CD40: variants seen among roughly 807,000 people sequenced by gnomAD.
CD40 encodes tumor necrosis factor receptor superfamily member 5.
A neutral mutation model predicts 38.5 loss-of-function variants in CD40; 19 were observed. The ratio of observed to expected loss-of-function variants is 0.49; its 90% confidence interval spans 0.34 to 0.72. CD40 has a LOEUF of 0.72. CD40 is among the 30% of genes least tolerant of loss of function. The probability of loss-of-function intolerance (pLI) is 0.01; values close to 1 mark genes in which losing one functional copy is unlikely to be tolerated. For synonymous variants in CD40, 130 were observed against 128.7 expected, an observed-to-expected ratio of 1.01 and a Z score of -0.07; for missense variants, 256 against 344.1, an observed-to-expected ratio of 0.74 and a Z score of 2.03.
At position 46,129,074 on chromosome 20, in the gene CD40, C is replaced by A; in HGVS notation, c.*34C>A. 1 of 1,612,140 alleles carries A rather than the reference C, an allele frequency of 6.2e-7. No individual in the cohort carries two copies. Among genetic ancestry groups the A allele is most frequent in the Non-Finnish European group, 8.5e-7 (1 of 1,178,772 alleles). ...CCACCCAGGAGTGTGGCCACGTGGGCAAACAGGCAGTTGGCCAGAGAGCCT... is the reference window on the plus strand; with the variant it reads ...CCACCCAGGAGTGTGGCCACGTGGGAAAACAGGCAGTTGGCCAGAGAGCCT... On this transcript the variant is annotated 3_prime_UTR_variant, in exon 9 of 9. Transcript: ENST00000372285.
intron 1 of CD40, among the ~76,000 whole-genome samples, chr20:46,121,258 A>G (rs1227981440): frequency 6.6e-6 from 1 of 152,186 alleles, no homozygotes; most frequent in Non-Finnish European, 1.5e-5. Flanking sequence ...AGTCTCAACT[A>G]TCTGTAAAAT....
Position 46,124,634 on chromosome 20 carries a change from CT to C in CD40, c.497+1425del, listed in dbSNP as rs369596117. On this transcript the variant is annotated intron_variant, in intron 5 of 8. Transcript: ENST00000372285. ...AATTCCTTAAATGTAGAAACTTGGC[CT>C]TTTTTTTTTCTTCCATTGATACATC... 4.4e-3 allele frequency among the ~76,000 whole-genome samples: 657 copies of C among 148,404 alleles called. 3 individuals are homozygous for C. The highest frequency in any genetic ancestry group is 0.015 in the African/African-American group (617 of 40,504).
rs749590513 is a variant in CD40 at position 46,128,304 on chromosome 20, CTTTTTTTTTTTT to C, written c.647-14_647-3del. On this transcript the variant is annotated splice_polypyrimidine_tract_variant and intron_variant, in intron 7 of 8. Transcript: ENST00000372285. ...TATCTGGCCTCTCCAACTCCCCATC[CTTTTTTTTTTTT>C]TTTTTTTTTTTAGAAAAGGTGGCCA... 1.5e-5 allele frequency: 21 copies of C among 1,440,244 alleles called. No homozygotes were observed. Among genetic ancestry groups the C allele is most frequent in the South Asian group, 2.6e-5 (2 of 78,392 alleles). 89.2% of individuals were successfully genotyped at this position (1,440,244 alleles called of 1,614,324 possible).
At chr20:46,127,746 C>T (rs1411515114) in intron 6 of CD40, among the ~76,000 whole-genome samples, 2 of 152,142 alleles carry the variant, frequency 1.3e-5, no homozygotes, top group African/African-American at 4.8e-5. Context: ...CATGCTAGAC[C>T]TCGGCATTGG....
At position 46,124,751 on chromosome 20, in the gene CD40, G is replaced by GTTTTTTTTTTTTTTT. The variant is rs780015926; in HGVS notation, c.497+1551_497+1565dup. On this transcript the variant is annotated intron_variant, in intron 5 of 8. Transcript: ENST00000372285. ...GATAACTGGAGGCACCACTGGTATAGTTTTTTTTTTTTTTTTTTTTTTTTT... is the reference window on the plus strand; with the variant it reads ...GATAACTGGAGGCACCACTGGTATAGTTTTTTTTTTTTTTTTTTTTTTTTTTTTTTTTTTTTTTTT... Among the ~76,000 whole-genome samples, 22 of 73,962 alleles carry GTTTTTTTTTTTTTTT rather than the reference G, an allele frequency of 3.0e-4. 6 individuals are homozygous for GTTTTTTTTTTTTTTT. The highest frequency in any genetic ancestry group is 4.4e-4 in the Non-Finnish European group (18 of 40,982). The allele number at this position is 73,962 out of a possible 152,430, so 48.5% of individuals were successfully genotyped here. A position where few individuals can be genotyped will look rare whatever the true frequency, so the allele number is the denominator to read the frequency against.
Position 46,122,814 on chromosome 20 carries a change from G to T in CD40, c.403+58G>T. The T allele has an allele frequency of 6.2e-7, 1 of 1,605,322 alleles. No individual in the cohort carries two copies. The highest frequency in any genetic ancestry group is 8.5e-7 in the Non-Finnish European group (1 of 1,173,452). On this transcript the variant is annotated intron_variant, in intron 4 of 8. Coordinates refer to ENST00000372285, the MANE Select transcript of CD40 (RefSeq NM_001250.6). This position sits in a 1 kb window ranked among gnomAD's most constrained non-coding sequence, Gnocchi z 5.0. ...GGGGACAGAGGAGCTTAGGGCCCAA[G>T]GTGAGGGGCTGGGCAGTGGGCACTT...
intron 8 of CD40, chr20:46,128,674 C>T (rs1568912815): frequency 1.5e-6 from 1 of 667,148 alleles, no homozygotes; most frequent in Non-Finnish European, 2.6e-6. Flanking sequence ...TGTGGCAGCC[C>T]CTTAAGCCCA....
intron 8 of CD40, 61 bp from the exon 9 acceptor site, chr20:46,128,821 G>C (rs1351544701): frequency 6.4e-7 from 1 of 1,569,028 alleles, no homozygotes; most frequent in Non-Finnish European, 8.8e-7. Flanking sequence ...CCCAGGGAGG[G>C]GCTCCTCAGA....
In CD40 at chr20:46,118,436, G is replaced by A. The variant is rs552863064; in HGVS notation, c.51+42G>A. On this transcript the variant is annotated intron_variant, in intron 1 of 8. Coordinates refer to ENST00000372285, the MANE Select transcript of CD40 (RefSeq NM_001250.6). ...CCGACCAGACGGGAGTTGGGAGTGG[G>A]GAATGAGAAGGAAAGGGAAGGAAGA... 2.6e-5 allele frequency: 41 copies of A among 1,590,246 alleles called. No homozygotes were observed. The African/African-American group carries it at 4.3e-4, about 17-fold the overall frequency.
In CD40 at chr20:46,122,173, G is replaced by A. The variant is rs1275304039; in HGVS notation, c.131-60G>A. 9 of 1,599,930 alleles carry A rather than the reference G, an allele frequency of 5.6e-6. No individual in the cohort carries two copies. In the African/African-American group the frequency reaches 1.2e-4, roughly 21 times the overall value. On this transcript the variant is annotated intron_variant, in intron 2 of 8. Transcript: ENST00000372285. The surrounding 1 kb of genome is among the most constrained non-coding windows in gnomAD (Gnocchi z 5.0). Reference sequence around the variant, plus strand: ...CTAAAGCCTGGCCTGATCATTGTGTGGTTAGTGTCTGACTCATGGAGTTGG... The same window carrying A: ...CTAAAGCCTGGCCTGATCATTGTGTAGTTAGTGTCTGACTCATGGAGTTGG...
At position 46,129,260 on chromosome 20, in the gene CD40, A is replaced by G. The variant is rs2085507472; in HGVS notation, c.*220A>G. ...TCTCACTTCACCCTGGAGCCCATCC[A>G]GTCTCCCAACTTGTATTAAAGACAG... On this transcript the variant is annotated 3_prime_UTR_variant, in exon 9 of 9. Transcript: ENST00000372285. 2 of 587,830 alleles carry G rather than the reference A, an allele frequency of 3.4e-6. No individual in the cohort carries two copies. Among genetic ancestry groups the G allele is most frequent in the East Asian group, 3.0e-5 (1 of 32,998 alleles). The allele number at this position is 587,830 out of a possible 1,614,324, so 36.4% of individuals were successfully genotyped here. A position where few individuals can be genotyped will look rare whatever the true frequency, so the allele number is the denominator to read the frequency against.
At position 46,123,197 on chromosome 20, in the gene CD40, G is replaced by A. The variant is rs2085354746; in HGVS notation, c.475G>A (p.Glu159Lys). The A allele has an allele frequency of 1.9e-6, 3 of 1,614,054 alleles. No individual in the cohort carries two copies. Among genetic ancestry groups the A allele is most frequent in the East Asian group, 2.2e-5 (1 of 44,866 alleles). ...GFFSNVSSAF[E>K]KCHPWTSCET... ...CTTCTCCAATGTGTCATCTGCTTTC[G>A]AAAAATGTCACCCTTGGACAAGGTA... The change falls in exon 5 of 9, where the codon GAA becomes AAA. Residue 159 changes from glutamate (E) to lysine (K), a missense_variant. Physicochemically the swap from Glu to Lys is moderately conservative, Grantham distance 56. Coordinates refer to ENST00000372285, the MANE Select transcript of CD40 (RefSeq NM_001250.6).
intron 6 of CD40, 160 bp from the exon 7 acceptor site, chr20:46,127,978 G>T (rs961040134): frequency 7.1e-7 from 1 of 1,409,836 alleles, no homozygotes; most frequent in African/African-American, 1.4e-5. Flanking sequence ...CTCCTTTAAA[G>T]ACATCTGCCA....
chr20:46,124,437 T>C (rs1221888681), intron 5 of CD40, among the ~76,000 whole-genome samples: 1 of 152,190 alleles, frequency 6.6e-6, no homozygotes, highest in Non-Finnish European at 1.5e-5. Context: ...CCCAGTTCTT[T>C]CTGGAGGGAG....
intron 5 of CD40, among the ~76,000 whole-genome samples, chr20:46,125,400 T>C (rs1456131932): frequency 6.6e-6 from 1 of 151,238 alleles, no homozygotes. Context: ...AAAAATTAGC[T>C]GGGCGTGGTG....
Position 46,129,119 on chromosome 20 carries a change from C to T in CD40, c.*79C>T, listed in dbSNP as rs756178814. 40 of 1,530,882 alleles carry T rather than the reference C, an allele frequency of 2.6e-5. No homozygotes were observed. Among genetic ancestry groups the T allele is most frequent in the Non-Finnish European group, 3.2e-5 (36 of 1,109,562 alleles). 94.8% of individuals were successfully genotyped at this position (1,530,882 alleles called of 1,614,324 possible). Reference sequence around the variant, plus strand: ...GAGCCTGGTGCTGCTGCTGCTGTGGCGTGAGGGTGAGGGGCTGGCACTGAC... The same window carrying T: ...GAGCCTGGTGCTGCTGCTGCTGTGGTGTGAGGGTGAGGGGCTGGCACTGAC... On this transcript the variant is annotated 3_prime_UTR_variant, in exon 9 of 9. Coordinates refer to ENST00000372285, the MANE Select transcript of CD40 (RefSeq NM_001250.6).
At position 46,121,509 on chromosome 20, in the gene CD40, A is replaced by G. The variant is rs555869181; in HGVS notation, c.52-311A>G. Among the ~76,000 whole-genome samples the G allele has an allele frequency of 8.5e-5, 13 of 152,304 alleles. No homozygotes were observed. The East Asian group carries it at 2.1e-3, about 25-fold the overall frequency. Reference sequence around the variant, plus strand: ...GGAGCTGCTGGAGTCCCCATATCCTATGGGATCTTTGGGAAGAGGAATGAC... The same window carrying G: ...GGAGCTGCTGGAGTCCCCATATCCTGTGGGATCTTTGGGAAGAGGAATGAC... On this transcript the variant is annotated intron_variant, in intron 1 of 8. Transcript: ENST00000372285.
At chr20:46,127,807 C>T (rs1183370540) in intron 6 of CD40, among the ~76,000 whole-genome samples, 1 of 152,190 alleles carries the variant, frequency 6.6e-6, no homozygotes, top group Non-Finnish European at 1.5e-5. Context: ...GTGACAGCCA[C>T]TGCCACCACT....
chr20:46,128,409 G>T, intron 8 of CD40, 51 bp downstream of exon 8: 1 of 1,596,670 alleles, frequency 6.3e-7, no homozygotes, highest in African/African-American at 1.4e-5. Context: ...CTGGGAAGAT[G>T]GCCTCACGGT....
Sources: gnomAD v4.1 joint callset for allele counts (sites outside exome capture counted in the v4.1 genomes callset) on GRCh38, gnomAD v4.1.1 for gene constraint, Gnocchi (gnomAD v3.1) non-coding constraint, MANE v1.5 for transcripts, NCBI Gene and HGNC (gene_info 2026-07-23, HGNC 2026-07-21) for gene names.